The following NTRK3 variants were observed in gnomAD, a reference collection of about 807,000 sequenced individuals.
NTRK3 encodes neurotrophic receptor tyrosine kinase 3, also known as NT-3 growth factor receptor.
Under a neutral mutation model 91.7 loss-of-function variants are expected in NTRK3, and 24 were observed. The ratio of observed to expected loss-of-function variants is 0.26; its 90% CI spans 0.19 to 0.37. The LOEUF is 0.37. Ranked by LOEUF, NTRK3 falls within the 10% of genes least tolerant of loss-of-function variation. The pLI, the probability that NTRK3 is intolerant of heterozygous loss-of-function variation, is 1.00. For missense variants in NTRK3, 880 were observed against 1,068.9 expected (o/e 0.82, Z 2.46); for synonymous variants, 483 against 404.0 (o/e 1.20, Z -2.34).
chr15:88,170,920 C>T (rs1458992663), intron 5 of NTRK3, among the ~76,000 whole-genome samples: 3 of 152,198 alleles, frequency 2.0e-5, no homozygotes, highest in African/African-American at 7.2e-5. Flanking sequence ...ACAGGTAGCC[C>T]TCAGTGGTGC....
chr15:88,077,472 G>A (rs143828568), intron 13 of NTRK3, among the ~76,000 whole-genome samples: 7 of 152,080 alleles, frequency 4.6e-5, no homozygotes, highest in African/African-American at 1.7e-4. Flanking sequence ...CCTCCCCATG[G>A]GAGTTTAAAA....
At chr15:88,185,759 G>A (rs915673570) in intron 3 of NTRK3, among the ~76,000 whole-genome samples, 9 of 152,148 alleles carry the variant, frequency 5.9e-5, no homozygotes, top group East Asian at 5.8e-4. Flanking sequence ...CACCACACCC[G>A]TAGCTCTGCC....
intron 13 of NTRK3, among the ~76,000 whole-genome samples, chr15:88,034,526 G>A (rs544157621): frequency 1.9e-3 from 288 of 152,316 alleles, no homozygotes; most frequent in Admixed American, 2.7e-3. Context: ...TACAACTGGC[G>A]TTTTGAATGG....
chr15:88,107,072 GAAT>G (rs2050794202), intron 13 of NTRK3, among the ~76,000 whole-genome samples: 2 of 151,742 alleles, frequency 1.3e-5, no homozygotes, highest in Admixed American at 1.3e-4. Flanking sequence ...GGTCATTTCT[GAAT>G]AATAAGATTA....
chr15:88,136,141 C>A (rs1336852147), intron 8 of NTRK3, 101 bp from the exon 9 acceptor site: 6 of 1,459,912 alleles, frequency 4.1e-6, no homozygotes, highest in Non-Finnish European at 4.8e-6. Context: ...GAAAGCTGAG[C>A]GGAAGGCGAA....
intron 18 of NTRK3, among the ~76,000 whole-genome samples, chr15:87,877,485 G>A (rs1024804011): frequency 3.9e-5 from 6 of 152,170 alleles, no homozygotes; most frequent in South Asian, 2.1e-4. Context: ...AGTGGACATG[G>A]GCTTCTGACC....
At chr15:88,194,132 C>T (rs142886269) in intron 3 of NTRK3, among the ~76,000 whole-genome samples, 1 of 152,212 alleles carries the variant, frequency 6.6e-6, no homozygotes, top group Non-Finnish European at 1.5e-5. Context: ...ACATTCTTTC[C>T]TCTCTGGCTT....
intron 14 of NTRK3, among the ~76,000 whole-genome samples, chr15:87,944,243 G>A (rs2070194148): frequency 2.6e-5 from 4 of 152,186 alleles, no homozygotes; most frequent in Admixed American, 2.0e-4. Context: ...AGACTGGCTG[G>A]ATTTGGGCCA....
intron 17 of NTRK3, among the ~76,000 whole-genome samples, chr15:87,889,409 T>C (rs147342695): frequency 0.044 from 6,381 of 143,484 alleles, 203 homozygotes; most frequent in Middle Eastern, 0.087. Flanking sequence ...TTTTTTTTTT[T>C]TTTTTTTTTT....
chr15:88,052,845 G>A (rs564549736), intron 13 of NTRK3, among the ~76,000 whole-genome samples: 29 of 152,228 alleles, frequency 1.9e-4, no homozygotes, highest in African/African-American at 6.7e-4. Flanking sequence ...CACATTCCAG[G>A]TATTTTAGGA....
intron 14 of NTRK3, among the ~76,000 whole-genome samples, chr15:87,988,731 G>A (rs4887345): frequency 0.75 from 114,288 of 152,048 alleles, 43,930 homozygotes; most frequent in African/African-American, 0.92. Context: ...ATTATTTTAT[G>A]AATACCCTTT....
chr15:88,103,885 G>C (rs192658424), intron 13 of NTRK3, among the ~76,000 whole-genome samples: 231 of 152,286 alleles, frequency 1.5e-3, no homozygotes, highest in African/African-American at 5.1e-3. Flanking sequence ...GTTGTGGCTG[G>C]AGCAGCACAA....
intron 17 of NTRK3, among the ~76,000 whole-genome samples, chr15:87,892,269 C>A (rs1055150180): frequency 5.3e-5 from 8 of 152,110 alleles, no homozygotes; most frequent in Non-Finnish European, 8.8e-5. Flanking sequence ...TATCTGTTTG[C>A]AAGTTGGATA....
At chr15:87,906,798 A>T (rs188606722) in intron 17 of NTRK3, among the ~76,000 whole-genome samples, 2 of 152,206 alleles carry the variant, frequency 1.3e-5, no homozygotes, top group Non-Finnish European at 2.9e-5. Flanking sequence ...ACTACCACCA[A>T]GTACTTCTTT....
chr15:88,254,826 G>A (rs771176632), intron 3 of NTRK3, among the ~76,000 whole-genome samples: 3 of 152,150 alleles, frequency 2.0e-5, no homozygotes, highest in Non-Finnish European at 4.4e-5. Flanking sequence ...GAAAAGAGGT[G>A]AGAATTATCC....
chr15:87,996,559 C>T (rs2075720585), intron 14 of NTRK3, among the ~76,000 whole-genome samples: 1 of 152,186 alleles, frequency 6.6e-6, no homozygotes, highest in African/African-American at 2.4e-5. Flanking sequence ...CCATTAGCAA[C>T]ACAGGAGAGC....
Position 88,159,757 on chromosome 15 carries a change from A to G in NTRK3, c.396-12354T>C, listed in dbSNP as rs2044259857. ...TTAATAACCACATAGGGGAATTCAC[A>G]ATCCCCTCCTGGAACTTGATGGAGA... On this transcript the variant is annotated intron_variant, in intron 5 of 18. Coordinates refer to ENST00000394480, the Ensembl canonical transcript of NTRK3. Among the ~76,000 whole-genome samples, 3 of 152,226 alleles carry G rather than the reference A, an allele frequency of 2.0e-5. No individual in the cohort carries two copies. The South Asian group carries it at 6.2e-4, about 32-fold the overall frequency.
At chr15:88,034,803 C>T (rs571681655) in intron 13 of NTRK3, among the ~76,000 whole-genome samples, 7 of 152,088 alleles carry the variant, frequency 4.6e-5, no homozygotes, top group Non-Finnish European at 5.9e-5. Flanking sequence ...GTTTGGAGAC[C>T]GTATGGAAAA....
rs1012417036 is a variant in NTRK3, at chr15:87,865,644, C to T, written c.*11291G>A. ...CACCAAATTTATAGAGAAAGTTTCA[C>T]AGAGTCCTATTTTTACAAAGCATTA... On this transcript the variant is annotated 3_prime_UTR_variant, in exon 19 of 19. Transcript: ENST00000394480. The T allele has an allele frequency of 3.7e-5, 8 of 218,922 alleles. No individual in the cohort carries two copies. The East Asian group carries it at 5.4e-4, about 15-fold the overall frequency. 13.6% of individuals were successfully genotyped at this position (218,922 alleles called of 1,614,324 possible).
Sources: gnomAD v4.1 joint callset for allele counts (sites outside exome capture counted in the v4.1 genomes callset) on GRCh38, gnomAD v4.1.1 for gene constraint, MANE v1.5 for transcripts, NCBI Gene and HGNC (gene_info 2026-07-23, HGNC 2026-07-21) for gene names.